Variants in C8A observed in about 807,000 individuals in gnomAD.
C8A encodes the protein complement C8 alpha chain, also known as complement component C8 alpha chain.
A neutral mutation model predicts 65.3 loss-of-function variants in C8A; 67 were observed. That is an observed-to-expected ratio of 1.03 (90% CI 0.84 to 1.26). The LOEUF (loss-of-function observed/expected upper bound fraction) is 1.26. Ranked by LOEUF, C8A falls within the 50% of genes most tolerant of loss-of-function variation. The probability of loss-of-function intolerance (pLI) is 0.00; values close to 1 mark genes in which losing one functional copy is unlikely to be tolerated. For missense variants in C8A, 781 were observed against 723.9 expected, an observed-to-expected ratio of 1.08 and a Z score of -0.90; for synonymous variants, 290 against 259.4, an observed-to-expected ratio of 1.12 and a Z score of -1.13.
intron 9 of C8A, among the ~76,000 whole-genome samples, chr1:56,908,633 C>T (rs1328122288): frequency 6.6e-6 from 1 of 152,174 alleles, no homozygotes; most frequent in Non-Finnish European, 1.5e-5. Flanking sequence ...GTGGGTTGGA[C>T]TTGGACCCAG....
intron 7 of C8A, among the ~76,000 whole-genome samples, chr1:56,891,956 T>A (rs1317994781): frequency 6.6e-6 from 1 of 152,164 alleles, no homozygotes; most frequent in Admixed American, 6.5e-5. Context: ...AGGCCTATTG[T>A]CCTTGGGGTA....
rs555514650 is a variant in C8A at position 56,866,127 on chromosome 1, C to T, written c.78-1482C>T. 5.9e-5 allele frequency among the ~76,000 whole-genome samples: 9 copies of T among 152,282 alleles called. No individual in the cohort carries two copies. The South Asian group carries it at 1.0e-3, about 18-fold the overall frequency. ...AAAAGGCTGTTAAAACACTCCTCCC[C>T]GTTTCAACTACATAACCATGTGAGG... On this transcript the variant is annotated intron_variant, in intron 1 of 10. Coordinates refer to ENST00000361249, the MANE Select transcript of C8A (RefSeq NM_000562.3).
In C8A at chr1:56,874,978, C is replaced by A; in HGVS notation, c.201C>A (p.Asn67Lys). 6.2e-7 allele frequency: 1 copy of A among 1,613,756 alleles called. No individual in the cohort carries two copies. Among genetic ancestry groups the A allele is most frequent in the Non-Finnish European group, 8.5e-7 (1 of 1,179,822 alleles). Residue 67 changes from asparagine (N) to lysine (K), a missense_variant, in exon 3 of 11, where the codon AAC becomes AAA. Physicochemically the swap from Asn to Lys is moderately conservative, Grantham distance 94 (BLOSUM62 0). Transcript: ENST00000361249. Reference protein sequence around the residue: ...KYRHRSLLQPNKFGGTICSGD... With the variant: ...KYRHRSLLQPKKFGGTICSGD... ...GACACCGGAGCCTCTTGCAGCCAAA[C>A]AAGTTTGGGGGAACCATCTGCAGTG...
chr1:56,912,070 A>T (rs1429044043), intron 9 of C8A, among the ~76,000 whole-genome samples: 5 of 152,206 alleles, frequency 3.3e-5, no homozygotes, highest in African/African-American at 1.2e-4. Context: ...ATATGGTAAA[A>T]GCTAAGTAAA....
At chr1:56,857,447 G>C (rs1041133846) in intron 1 of C8A, among the ~76,000 whole-genome samples, 3 of 151,940 alleles carry the variant, frequency 2.0e-5, no homozygotes, top group Middle Eastern at 3.4e-3. Context: ...AATACATATA[G>C]TTATGCTTGC....
chr1:56,912,634 C>A lies in C8A; in HGVS notation c.1603+9C>A. On this transcript the variant is annotated intron_variant, in intron 10 of 10. Transcript: ENST00000361249. ...GCAAACACAGACAGAAGGTAAGGTC[C>A]GTGCATCCCCACCCAGTTCCAGCCT... is the stretch of plus-strand genomic sequence containing the variant. The A allele has an allele frequency of 6.2e-7, 1 of 1,612,444 alleles. No homozygotes were observed. The highest frequency in any genetic ancestry group is 8.5e-7 in the Non-Finnish European group (1 of 1,178,858).
intron 6 of C8A, among the ~76,000 whole-genome samples, chr1:56,885,396 A>ATTTATT (rs1557705749): frequency 2.0e-5 from 2 of 99,602 alleles, no homozygotes; most frequent in African/African-American, 7.6e-5. Context: ...ATATATTTAA[A>ATTTATT]TAAATATATA....
chr1:56,869,720 G>A (rs1482375714), intron 2 of C8A, among the ~76,000 whole-genome samples: 1 of 152,124 alleles, frequency 6.6e-6, no homozygotes, highest in African/African-American at 2.4e-5. Flanking sequence ...TCAGGAGTAA[G>A]GTGATATCTC....
At chr1:56,903,394 T>C (rs914510408) in intron 7 of C8A, among the ~76,000 whole-genome samples, 2 of 152,196 alleles carry the variant, frequency 1.3e-5, no homozygotes, top group African/African-American at 2.4e-5. Flanking sequence ...CCTTCTTCCA[T>C]GATTGTGAGT....
chr1:56,910,791 C>T (rs987682878), intron 9 of C8A, among the ~76,000 whole-genome samples: 4 of 152,208 alleles, frequency 2.6e-5, no homozygotes, highest in African/African-American at 4.8e-5. Context: ...GGAACTCAGA[C>T]AAAGCTATTG....
At chr1:56,903,230 G>A (rs1644439715) in intron 7 of C8A, among the ~76,000 whole-genome samples, 1 of 151,982 alleles carries the variant, frequency 6.6e-6, no homozygotes, top group African/African-American at 2.4e-5. Flanking sequence ...GAGGAATCTG[G>A]TGGGAGGTAA....
rs192110406 is a variant in C8A at position 56,856,417 on chromosome 1, C to T, written c.77+1439C>T. On this transcript the variant is annotated intron_variant, in intron 1 of 10. Coordinates refer to ENST00000361249, the MANE Select transcript of C8A (RefSeq NM_000562.3). ...TTACCTAGTAATCATTCAGTGAAAG[C>T]TGTCACCAGTGCTGCTGTGTGATTG... is the stretch of plus-strand genomic sequence containing the variant. Among the ~76,000 whole-genome samples the T allele has an allele frequency of 2.1e-4, 32 of 152,264 alleles. 1 individual carries two copies. Among genetic ancestry groups the T allele is most frequent in the Admixed American group, 1.8e-3 (27 of 15,286 alleles).
chr1:56,890,552 T>G (rs1644336646), intron 7 of C8A, among the ~76,000 whole-genome samples: 1 of 152,268 alleles, frequency 6.6e-6, no homozygotes, highest in Admixed American at 6.5e-5. Flanking sequence ...GTTCTCCCTC[T>G]ATTACTGTCT....
At chr1:56,889,846 G>A (rs1204093773) in intron 7 of C8A, among the ~76,000 whole-genome samples, 2 of 152,056 alleles carry the variant, frequency 1.3e-5, no homozygotes, top group African/African-American at 4.8e-5. Flanking sequence ...ATGAAACCAT[G>A]CATCAAAAAT....
At chr1:56,873,626 AATTG>A (rs1324167861) in intron 2 of C8A, among the ~76,000 whole-genome samples, 1 of 152,158 alleles carries the variant, frequency 6.6e-6, no homozygotes, top group African/African-American at 2.4e-5. Context: ...GCAAGTAAGA[AATTG>A]ATTGAGGTAG....
chr1:56,913,441 A>G (rs910242353), intron 10 of C8A, among the ~76,000 whole-genome samples: 3 of 152,264 alleles, frequency 2.0e-5, no homozygotes, highest in Non-Finnish European at 4.4e-5. Context: ...AACTGGTACC[A>G]GGGAAGAAAG....
At chr1:56,899,973 A>G (rs909453657) in intron 7 of C8A, among the ~76,000 whole-genome samples, 1 of 152,222 alleles carries the variant, frequency 6.6e-6, no homozygotes, top group Admixed American at 6.5e-5. Context: ...CTGTTTCAGA[A>G]TTTGGCCTTC....
chr1:56,857,680 A>C (rs547250128), intron 1 of C8A, among the ~76,000 whole-genome samples: 1 of 151,826 alleles, frequency 6.6e-6, no homozygotes, highest in South Asian at 2.1e-4. Flanking sequence ...TTTGTTTTCT[A>C]TGTGTCCCAT....
At chr1:56,885,067 G>T (rs1181928260) in intron 6 of C8A, among the ~76,000 whole-genome samples, 1 of 142,808 alleles carries the variant, frequency 7.0e-6, no homozygotes, top group African/African-American at 2.5e-5. Flanking sequence ...ATTGGGAGAA[G>T]AACAGAAGGG....
Sources: allele counts gnomAD v4.1 joint callset (sites outside exome capture counted in the v4.1 genomes callset), GRCh38; gene constraint gnomAD v4.1.1; transcripts MANE v1.5; gene names NCBI Gene and HGNC (gene_info 2026-07-23, HGNC 2026-07-21).